Variants in AGPAT5 observed in about 807,000 individuals in gnomAD.
The protein encoded by AGPAT5 is 1-acyl-sn-glycerol-3-phosphate acyltransferase epsilon.
In AGPAT5, 46 loss-of-function variants were observed where a neutral mutation model predicts 45.6. The ratio of observed to expected loss-of-function variants is 1.01; its 90% CI spans 0.80 to 1.29. The LOEUF (loss-of-function observed/expected upper bound fraction) is 1.29, where lower values mean the gene tolerates loss of function less well. Ranked by LOEUF, AGPAT5 falls within the 50% of genes most tolerant of loss-of-function variation. The pLI, the probability that AGPAT5 is intolerant of heterozygous loss-of-function variation, is 0.00. For missense variants in AGPAT5, 673 were observed against 450.7 expected, an observed-to-expected ratio of 1.49 and a Z score of -4.47; for synonymous variants, 272 against 167.0, an observed-to-expected ratio of 1.63 and a Z score of -4.85.
chr8:6,743,685 A>G (rs1437477900), intron 5 of AGPAT5, among the ~76,000 whole-genome samples: 4 of 151,456 alleles, frequency 2.6e-5, no homozygotes, highest in African/African-American at 4.9e-5. Context: ...TGTTTTAGGT[A>G]TTTGGCTTTC....
At chr8:6,730,878 T>TC in intron 3 of AGPAT5, 52 bp downstream of exon 3, 1 of 1,314,840 alleles carries the variant, frequency 7.6e-7, no homozygotes, top group Non-Finnish European at 1.0e-6. Context: ...TAAATTTTTT[T>TC]TTTTTTTTTT....
intron 6 of AGPAT5, among the ~76,000 whole-genome samples, chr8:6,749,572 G>A (rs1305814444): frequency 6.6e-6 from 1 of 152,042 alleles, no homozygotes; most frequent in Admixed American, 6.6e-5. Flanking sequence ...TTAATTTGTT[G>A]TGCGTTGTAT....
At chr8:6,746,296 G>A (rs745464357) in intron 5 of AGPAT5, 25 of 152,308 alleles carry the variant, frequency 1.6e-4, no homozygotes, top group African/African-American at 5.5e-4. Flanking sequence ...TCCCCTTCTA[G>A]TTATGGTGTG....
chr8:6,711,092 A>T (rs919387396), intron 1 of AGPAT5, among the ~76,000 whole-genome samples: 32 of 152,182 alleles, frequency 2.1e-4, no homozygotes, highest in African/African-American at 5.3e-4. Flanking sequence ...TTAAAATAAA[A>T]TTTTTTTTAA....
At chr8:6,724,414 G>A (rs1263662697) in intron 1 of AGPAT5, among the ~76,000 whole-genome samples, 1 of 151,974 alleles carries the variant, frequency 6.6e-6, no homozygotes, top group Non-Finnish European at 1.5e-5. Context: ...AATTAAAAAA[G>A]GTTGTGTACC....
chr8:6,716,693 C>A (rs561131161), intron 1 of AGPAT5, among the ~76,000 whole-genome samples: 2 of 151,924 alleles, frequency 1.3e-5, no homozygotes, highest in African/African-American at 4.8e-5. Flanking sequence ...ATTAGCCGGG[C>A]GTGGTGGTGC....
At chr8:6,710,414 C>T (rs529715264) in intron 1 of AGPAT5, among the ~76,000 whole-genome samples, 37 of 152,266 alleles carry the variant, frequency 2.4e-4, no homozygotes, top group African/African-American at 8.2e-4. Context: ...AATTTTCATG[C>T]ATTTATGAAA....
At position 6,730,701 on chromosome 8, in the gene AGPAT5, G is replaced by A. The variant is rs778449158; in HGVS notation, c.290-10G>A. ...CTCATGTACGCGCTAACTGGGTCCT[G>A]TCTCTGCAGTTGACTGGATTGTTGC... On this transcript the variant is annotated splice_polypyrimidine_tract_variant and intron_variant, in intron 2 of 7. Coordinates refer to ENST00000285518, the MANE Select transcript of AGPAT5 (RefSeq NM_018361.5). 6.2e-7 allele frequency: 1 copy of A among 1,603,912 alleles called. No individual in the cohort carries two copies. The highest frequency in any genetic ancestry group is 1.3e-5 in the African/African-American group (1 of 74,814).
intron 6 of AGPAT5, among the ~76,000 whole-genome samples, chr8:6,752,344 G>T (rs1002464005): frequency 6.6e-6 from 1 of 152,158 alleles, no homozygotes; most frequent in African/African-American, 2.4e-5. Context: ...GTTGGAGAGA[G>T]TATGTGCCTT....
chr8:6,722,662 GTGAAAC>G (rs1436214849), intron 1 of AGPAT5, among the ~76,000 whole-genome samples: 1 of 152,186 alleles, frequency 6.6e-6, no homozygotes, highest in Non-Finnish European at 1.5e-5. Flanking sequence ...TGAAGGCGAG[GTGAAAC>G]TGGTCCGCAT....
Position 6,730,772 on chromosome 8 carries a change from C to G in AGPAT5, c.351C>G (p.Tyr117Ter), listed in dbSNP as rs367702364. 3 of 1,613,282 alleles carry G rather than the reference C, an allele frequency of 1.9e-6. No individual in the cohort carries two copies. The highest frequency in any genetic ancestry group is 2.7e-5 in the African/African-American group (2 of 74,834). Residue 117 changes from tyrosine to a stop codon, truncating the protein, a stop_gained, in exon 3 of 8, where the codon TAC (tyrosine) becomes TAG (stop). Transcript: ENST00000285518. LOFTEE classifies it high-confidence loss of function. ...IRQNALGHVR[Y>*]VLKEGLKWLP... is the part of the protein sequence containing the mutation. ...AGAATGCGCTAGGACATGTGCGCTA[C>G]GTGCTGAAAGAAGGGTTAAAATGGC...
chr8:6,726,149 A>T (rs1800679250), intron 2 of AGPAT5, among the ~76,000 whole-genome samples: 1 of 152,216 alleles, frequency 6.6e-6, no homozygotes, highest in South Asian at 2.1e-4. Flanking sequence ...AAAACAGTCA[A>T]CCAATGGTCA....
intron 1 of AGPAT5, among the ~76,000 whole-genome samples, chr8:6,714,507 C>G (rs1276643003): frequency 2.0e-5 from 3 of 152,182 alleles, no homozygotes; most frequent in African/African-American, 7.2e-5. Flanking sequence ...CCAGTTATTT[C>G]AGGTTGCATT....
chr8:6,737,159 C>T (rs1052052963), intron 4 of AGPAT5, among the ~76,000 whole-genome samples: 1 of 152,308 alleles, frequency 6.6e-6, no homozygotes, highest in South Asian at 2.1e-4. Context: ...GGATAACAGA[C>T]TGGCAGGTTC....
At chr8:6,716,392 C>G (rs1024412912) in intron 1 of AGPAT5, among the ~76,000 whole-genome samples, 1 of 152,030 alleles carries the variant, frequency 6.6e-6, no homozygotes, top group Non-Finnish European at 1.5e-5. Context: ...AACCCCATCT[C>G]TACCAAAAAA....
intron 4 of AGPAT5, among the ~76,000 whole-genome samples, chr8:6,732,966 C>G (rs1346704305): frequency 1.3e-5 from 2 of 152,138 alleles, no homozygotes; most frequent in South Asian, 4.1e-4. Flanking sequence ...AGTTTACAAG[C>G]TCATCTTACT....
chr8:6,755,498 G>T (rs1801805222), intron 7 of AGPAT5, among the ~76,000 whole-genome samples: 1 of 152,176 alleles, frequency 6.6e-6, no homozygotes, highest in Non-Finnish European at 1.5e-5. Context: ...TACCTGTCAG[G>T]TCACATAAAG....
chr8:6,732,176 G>GGGT (rs1800886994), intron 3 of AGPAT5, among the ~76,000 whole-genome samples: 1 of 57,226 alleles, frequency 1.7e-5, no homozygotes. Context: ...TAAAGATCGT[G>GGGT]AGACATGTTA....
At chr8:6,749,763 G>A (rs1801598553) in intron 6 of AGPAT5, among the ~76,000 whole-genome samples, 1 of 152,192 alleles carries the variant, frequency 6.6e-6, no homozygotes, top group Non-Finnish European at 1.5e-5. Context: ...TTAAACAAGT[G>A]TTTATAACCA....
Sources: allele counts gnomAD v4.1 joint callset (sites outside exome capture counted in the v4.1 genomes callset), GRCh38; gene constraint gnomAD v4.1.1; transcripts MANE v1.5; gene names NCBI Gene and HGNC (gene_info 2026-07-23, HGNC 2026-07-21).